CSMD1: variants seen among roughly 807,000 people sequenced by gnomAD.
CSMD1 encodes CUB and sushi domain-containing protein 1.
Under a neutral mutation model 417.5 loss-of-function variants are expected in CSMD1, and 213 were observed. The observed-to-expected ratio is 0.51, with a 90% CI of 0.46 to 0.57. The LOEUF (loss-of-function observed/expected upper bound fraction) is 0.57. CSMD1 is among the 20% of genes least tolerant of loss of function. CSMD1 has a pLI of 0.00. For missense variants in CSMD1, 6,923 were observed against 4,529.7 expected, an observed-to-expected ratio of 1.53 and a Z score of -15.17; for synonymous variants, 2,862 against 1,736.8, an observed-to-expected ratio of 1.65 and a Z score of -16.11.
intron 1 of CSMD1, among the ~76,000 whole-genome samples, chr8:4,864,618 T>A (rs1563622231): frequency 6.6e-6 from 1 of 151,750 alleles, no homozygotes; most frequent in African/African-American, 2.4e-5. Flanking sequence ...ACTAGCTTTA[T>A]TAATTTTAAA....
Position 3,096,906 on chromosome 8 carries a change from T to C in CSMD1, c.7081A>G (p.Ile2361Val), listed in dbSNP as rs1456976131. The C allele has an allele frequency of 3.9e-6, 6 of 1,557,352 alleles. No homozygotes were observed. Among genetic ancestry groups the C allele is most frequent in the Non-Finnish European group, 4.4e-6 (5 of 1,149,336 alleles). ...TCACTTTGAAATGTGTCCACAAAGA[T>C]GGTAATGTTGTAGTTTGGTTCCACT... Reference protein sequence around the residue: ...IKVEPNYNITIFVDTFQSEKQ... With the variant: ...IKVEPNYNITVFVDTFQSEKQ... The change falls in exon 47 of 70, where the codon ATC (isoleucine) becomes GTC (valine). Residue 2361 changes from isoleucine (I) to valine (V), a missense_variant. Ile to Val is a conservative substitution (Grantham distance 29, BLOSUM62 3). Coordinates refer to ENST00000635120, the MANE Select transcript of CSMD1 (RefSeq NM_033225.6).
At chr8:3,875,871 T>C (rs1805782087) in intron 5 of CSMD1, among the ~76,000 whole-genome samples, 1 of 152,198 alleles carries the variant, frequency 6.6e-6, no homozygotes. Context: ...CTAGAGTGTG[T>C]TCCAAACTTG....
At chr8:3,739,489 T>G (rs1483295781) in intron 6 of CSMD1, among the ~76,000 whole-genome samples, 1 of 152,238 alleles carries the variant, frequency 6.6e-6, no homozygotes, top group Non-Finnish European at 1.5e-5. Flanking sequence ...ACATATTATG[T>G]TTCAAAATAT....
chr8:3,813,106 T>C (rs1801175501), intron 5 of CSMD1, among the ~76,000 whole-genome samples: 1 of 151,846 alleles, frequency 6.6e-6, no homozygotes, highest in African/African-American at 2.4e-5. Flanking sequence ...TTTTTTTTTT[T>C]TTTTAACTAG....
chr8:4,661,628 G>C (rs913129821), intron 1 of CSMD1, among the ~76,000 whole-genome samples: 1 of 152,068 alleles, frequency 6.6e-6, no homozygotes, highest in South Asian at 2.1e-4. Context: ...AGATGTTACC[G>C]TAAGGGGAAA....
intron 7 of CSMD1, among the ~76,000 whole-genome samples, chr8:3,626,847 T>C (rs991635895): frequency 6.7e-6 from 1 of 149,536 alleles, no homozygotes; most frequent in Non-Finnish European, 1.5e-5. Context: ...ATATATACAA[T>C]AAATAAGTGT....
chr8:3,480,774 C>G (rs1489424334), intron 11 of CSMD1, among the ~76,000 whole-genome samples: 2 of 152,074 alleles, frequency 1.3e-5, no homozygotes, highest in African/African-American at 2.4e-5. Flanking sequence ...AACTGACAAC[C>G]ACAAATTCTA....
Position 3,052,534 on chromosome 8 carries a change from T to G in CSMD1, c.7588A>C (p.Ser2530Arg). ...ECHEGFKLES[S>R]QQATAVCQED... ...TGACACACGGCTGTTGCTTGCTGGC[T>G]GGATTCAAGCTTGAAGCCCTCATGA... The change falls in exon 50 of 70, where the codon AGC becomes CGC. Residue 2530 changes from serine (S) to arginine (R), a missense_variant. Ser to Arg is a moderately radical substitution (Grantham distance 110). Transcript: ENST00000635120. 1 of 1,606,758 alleles carries G rather than the reference T, an allele frequency of 6.2e-7. No homozygotes were observed. The highest frequency in any genetic ancestry group is 1.1e-5 in the South Asian group (1 of 89,290).
At chr8:3,036,690 G>C (rs7823470) in intron 50 of CSMD1, among the ~76,000 whole-genome samples, 35,809 of 151,898 alleles carry the variant, frequency 0.24, 4,754 homozygotes, top group East Asian at 0.33. Flanking sequence ...TAAATATAAA[G>C]TTTTTGGGGA....
At chr8:4,083,243 T>A (rs1374496511) in intron 3 of CSMD1, among the ~76,000 whole-genome samples, 3 of 152,132 alleles carry the variant, frequency 2.0e-5, no homozygotes, top group African/African-American at 7.2e-5. Flanking sequence ...AGTGTAAAAG[T>A]GTTCTTATTT....
chr8:3,991,820 C>T (rs1296393168), intron 5 of CSMD1, among the ~76,000 whole-genome samples: 1 of 152,108 alleles, frequency 6.6e-6, no homozygotes, highest in Non-Finnish European at 1.5e-5. Flanking sequence ...CACACTGCCT[C>T]TTTGCTTTTT....
chr8:3,950,776 G>C (rs937349866), intron 5 of CSMD1, among the ~76,000 whole-genome samples: 4 of 152,106 alleles, frequency 2.6e-5, no homozygotes, highest in African/African-American at 7.2e-5. Context: ...CTAACAAACA[G>C]TACATGGTAT....
At chr8:4,415,088 C>T (rs1271452954) in intron 3 of CSMD1, among the ~76,000 whole-genome samples, 4 of 152,128 alleles carry the variant, frequency 2.6e-5, no homozygotes, top group Non-Finnish European at 4.4e-5. Context: ...AAGGATCTCA[C>T]GGAGTAAGTT....
At chr8:3,698,965 A>T (rs1210902826) in intron 7 of CSMD1, among the ~76,000 whole-genome samples, 1 of 152,198 alleles carries the variant, frequency 6.6e-6, no homozygotes. Context: ...ATCCAGGCTG[A>T]TGAAGGTCCT....
intron 3 of CSMD1, among the ~76,000 whole-genome samples, chr8:4,228,353 C>G (rs1358858517): frequency 6.6e-6 from 1 of 152,152 alleles, no homozygotes; most frequent in African/African-American, 2.4e-5. Context: ...CTCCCATTTT[C>G]CTTTCCAGTT....
chr8:4,606,857 G>C (rs996279324), intron 2 of CSMD1, among the ~76,000 whole-genome samples: 10 of 152,116 alleles, frequency 6.6e-5, no homozygotes, highest in African/African-American at 2.4e-4. Context: ...TTTAATTAAA[G>C]TGAAATCACA....
Position 3,952,251 on chromosome 8 carries a change from C to CTT in CSMD1, c.818+45650_818+45651dup, listed in dbSNP as rs375174675. ...TAAGATGGTATGGGCCTTCCTCACTCTTATTCTCCTGAGCACACAGTAAAT... is the reference window on the plus strand; with the variant it reads ...TAAGATGGTATGGGCCTTCCTCACTCTTTTATTCTCCTGAGCACACAGTAAAT... On this transcript the variant is annotated intron_variant, in intron 5 of 69. Coordinates refer to ENST00000635120, the MANE Select transcript of CSMD1 (RefSeq NM_033225.6). 6.0e-3 allele frequency among the ~76,000 whole-genome samples: 911 copies of CTT among 152,216 alleles called. 9 individuals are homozygous for CTT. The highest frequency in any genetic ancestry group is 0.018 in the African/African-American group (738 of 41,542).
chr8:3,964,170 A>T (rs571729261), intron 5 of CSMD1, among the ~76,000 whole-genome samples: 14 of 152,348 alleles, frequency 9.2e-5, no homozygotes, highest in Non-Finnish European at 2.1e-4. Context: ...TTTTCATCTT[A>T]ACAAGTAAAC....
At chr8:4,978,383 A>G (rs530974424) in intron 1 of CSMD1, among the ~76,000 whole-genome samples, 7 of 152,136 alleles carry the variant, frequency 4.6e-5, no homozygotes, top group Non-Finnish European at 7.4e-5. Context: ...CTGCCTTAAC[A>G]TTATTAAGCC....
Sources: gnomAD v4.1 joint callset for allele counts (sites outside exome capture counted in the v4.1 genomes callset) on GRCh38, gnomAD v4.1.1 for gene constraint, MANE v1.5 for transcripts, NCBI Gene and HGNC (gene_info 2026-07-23, HGNC 2026-07-21) for gene names.